Variants in OR8J1 observed in about 807,000 individuals in gnomAD.
The protein encoded by OR8J1 is olfactory receptor 8J1.
For missense variants in OR8J1, 400 were observed against 373.0 expected (o/e 1.07, Z -0.60); for synonymous variants, 157 against 144.3 (o/e 1.09, Z -0.63).
chr11:56,356,285 A>C (rs903784043), intron 1 of OR8J1, among the ~76,000 whole-genome samples: 1 of 152,220 alleles, frequency 6.6e-6, no homozygotes, highest in Non-Finnish European at 1.5e-5. Context: ...AAATAGTGCA[A>C]TCTTGAGATT....
At chr11:56,357,508 G>A (rs1854985331) in intron 1 of OR8J1, 1 of 855,814 alleles carries the variant, frequency 1.2e-6, no homozygotes, top group Non-Finnish European at 2.0e-6. Flanking sequence ...TATATCATTT[G>A]TCAGATTGCT....
intron 1 of OR8J1, among the ~76,000 whole-genome samples, chr11:56,355,446 G>A (rs1854955989): frequency 6.6e-6 from 1 of 151,878 alleles, no homozygotes; most frequent in South Asian, 2.1e-4. Context: ...GACCAACCTG[G>A]TCAACACCCC....
chr11:56,357,920 C>A (rs1460311156), intron 1 of OR8J1: 1 of 835,882 alleles, frequency 1.2e-6, no homozygotes, highest in Non-Finnish European at 2.0e-6. Flanking sequence ...GGAAGGACAT[C>A]ATGGGCCAGA....
At chr11:56,357,390 C>T (rs374583377) in intron 1 of OR8J1, 9 of 798,926 alleles carry the variant, frequency 1.1e-5, no homozygotes, top group East Asian at 5.0e-5. Context: ...ATTTAGAAGA[C>T]GACGAGAGGG....
chr11:56,360,417 C>A lies in OR8J1; in HGVS notation c.171C>A (p.Thr57=), dbSNP rs753383263. The A allele has an allele frequency of 1.2e-5, 20 of 1,614,012 alleles. No individual in the cohort carries two copies. The South Asian group carries it at 2.0e-4, about 16-fold the overall frequency. Residue 57 remains threonine (T), a synonymous_variant, in exon 2 of 2, where the codon ACC becomes ACA. Coordinates refer to ENST00000533152, the MANE Select transcript of OR8J1 (RefSeq NM_001005205.3). ...CCAGTGTTGACTCTCGACTTCAAAC[C>A]CCCATGTACTTTTTCCTGCAACATC... The part of the protein sequence containing the change: ...TLTSVDSRLQ[T]PMYFFLQHLA...
intron 1 of OR8J1, among the ~76,000 whole-genome samples, chr11:56,356,541 G>A (rs1165285355): frequency 6.6e-6 from 1 of 152,074 alleles, no homozygotes; most frequent in Non-Finnish European, 1.5e-5. Flanking sequence ...GGAAGGCAAG[G>A]TAAGAAAAGG....
intron 1 of OR8J1, among the ~76,000 whole-genome samples, chr11:56,357,101 T>C (rs61903529): frequency 0.059 from 8,984 of 152,274 alleles, 365 homozygotes; most frequent in Non-Finnish European, 0.083. Context: ...AAATCCCATA[T>C]CAACCTCTAA....
rs537889825 is a variant in OR8J1, at chr11:56,358,373, C to T, written c.-20-1854C>T. Among the ~76,000 whole-genome samples, 4 of 152,124 alleles carry T rather than the reference C, an allele frequency of 2.6e-5. No individual in the cohort carries two copies. The East Asian group carries it at 5.8e-4, about 22-fold the overall frequency. ...TATTCACACTGTCCTCCATTAAGACCCCCTACCCCCTCAAAAACTAAATGC... is the reference window on the plus strand; with the variant it reads ...TATTCACACTGTCCTCCATTAAGACTCCCTACCCCCTCAAAAACTAAATGC... On this transcript the variant is annotated intron_variant, in intron 1 of 1. Coordinates refer to ENST00000533152, the MANE Select transcript of OR8J1 (RefSeq NM_001005205.3).
chr11:56,359,831 A>T (rs1447590116), intron 1 of OR8J1, among the ~76,000 whole-genome samples: 3 of 152,162 alleles, frequency 2.0e-5, no homozygotes, highest in Non-Finnish European at 4.4e-5. Context: ...AAAAGCAAGA[A>T]GTCTCAAATT....
At chr11:56,357,238 C>A in intron 1 of OR8J1, 1 of 309,092 alleles carries the variant, frequency 3.2e-6, no homozygotes, top group Non-Finnish European at 5.9e-6. Flanking sequence ...ATGTTTTTCA[C>A]CTATCTTAAA....
At chr11:56,356,252 G>C (rs1854966471) in intron 1 of OR8J1, among the ~76,000 whole-genome samples, 1 of 152,108 alleles carries the variant, frequency 6.6e-6, no homozygotes, top group Non-Finnish European at 1.5e-5. Flanking sequence ...GCATAGGATG[G>C]GAAAGTATTC....
At chr11:56,357,873 G>A (rs765651418) in intron 1 of OR8J1, 29 of 896,828 alleles carry the variant, frequency 3.2e-5, no homozygotes, top group East Asian at 7.2e-5. Context: ...CCCTGATTAT[G>A]ATTCTGAAAG....
rs938024812 is a variant in OR8J1 at position 56,360,321 on chromosome 11, T to C, written c.75T>C (p.Ile25=). 1 of 1,613,802 alleles carries C rather than the reference T, an allele frequency of 6.2e-7. No individual in the cohort carries two copies. Among genetic ancestry groups the C allele is most frequent in the Non-Finnish European group, 8.5e-7 (1 of 1,179,910 alleles). ...TCTCTAGCTGTCCAGAGCTCCAGAT[T>C]CCCCTCTTCCTGGTCTTTCTGGTGC... ...TGVSSCPELQ[I]PLFLVFLVLY... Residue 25 remains isoleucine, a synonymous_variant, in exon 2 of 2, where the codon ATT becomes ATC. Coordinates refer to ENST00000533152, the MANE Select transcript of OR8J1 (RefSeq NM_001005205.3).
At chr11:56,356,764 A>C (rs1590856252) in intron 1 of OR8J1, among the ~76,000 whole-genome samples, 1 of 152,354 alleles carries the variant, frequency 6.6e-6, no homozygotes, top group Admixed American at 6.5e-5. Context: ...TCTCAAGCCT[A>C]ACCACATCAA....
At chr11:56,357,998 C>G in intron 1 of OR8J1, 1 of 867,668 alleles carries the variant, frequency 1.2e-6, no homozygotes, top group South Asian at 1.5e-5. Flanking sequence ...AAACAGTTCT[C>G]TCAATATATA....
intron 1 of OR8J1, among the ~76,000 whole-genome samples, chr11:56,358,852 T>C (rs1852597306): frequency 6.6e-6 from 1 of 152,128 alleles, no homozygotes; most frequent in Non-Finnish European, 1.5e-5. Flanking sequence ...GGTAAATAAA[T>C]AAATAAGAAG....
chr11:56,355,643 A>AACAG (rs1226438126), intron 1 of OR8J1, among the ~76,000 whole-genome samples: 2 of 151,974 alleles, frequency 1.3e-5, no homozygotes, highest in African/African-American at 4.8e-5. Flanking sequence ...CAAACAAACA[A>AACAG]ACAAACAAAA....
intron 1 of OR8J1, among the ~76,000 whole-genome samples, chr11:56,355,028 C>T (rs188703987): frequency 2.6e-5 from 4 of 152,084 alleles, no homozygotes; most frequent in Non-Finnish European, 5.9e-5. Flanking sequence ...CCCTAGATTC[C>T]TGGTGTAATG....
In OR8J1 at chr11:56,360,569, T is replaced by C. The variant is rs747267134; in HGVS notation, c.323T>C (p.Ile108Thr). Residue 108 changes from isoleucine to threonine, a missense_variant, in exon 2 of 2, where the codon ATT becomes ACT. Physicochemically the swap from Ile to Thr is moderately conservative, Grantham distance 89. Transcript: ENST00000533152. The stretch of plus-strand genomic sequence containing the variant: ...CAACTGGGAGGGTTCTTGTTCTTTA[T>C]TGTATCGGAGGTAATCATGCTGGCT... The part of the protein sequence containing the change: ...ATQLGGFLFF[I>T]VSEVIMLALM... 1 of 1,614,106 alleles carries C rather than the reference T, an allele frequency of 6.2e-7. No homozygotes were observed. Among genetic ancestry groups the C allele is most frequent in the South Asian group, 1.1e-5 (1 of 91,076 alleles).
Sources: allele counts gnomAD v4.1 joint callset (sites outside exome capture counted in the v4.1 genomes callset), GRCh38; gene constraint gnomAD v4.1.1; transcripts MANE v1.5; gene names NCBI Gene and HGNC (gene_info 2026-07-23, HGNC 2026-07-21).